Variants in NDST4 observed in about 807,000 individuals in gnomAD.
The protein encoded by NDST4 is N-heparan sulfate sulfotransferase 4.
In NDST4, 63 loss-of-function variants were observed where a neutral mutation model predicts 100.8. The ratio of observed to expected loss-of-function variants is 0.62; its 90% CI spans 0.51 to 0.77. The LOEUF is 0.77. Ranked by LOEUF, NDST4 falls within the 30% of genes least tolerant of loss-of-function variation. The pLI, the probability that NDST4 is intolerant of heterozygous loss-of-function variation, is 0.00. For missense variants in NDST4, 943 were observed against 1,018.4 expected (o/e 0.93, Z 1.01); for synonymous variants, 377 against 361.8 (o/e 1.04, Z -0.48).
chr4:114,940,568 A>G (rs918591058), intron 4 of NDST4, among the ~76,000 whole-genome samples: 1 of 152,138 alleles, frequency 6.6e-6, no homozygotes, highest in African/African-American at 2.4e-5. Context: ...GGCCAGCATG[A>G]GTGCTTCTGG....
chr4:115,040,124 TA>T (rs1454450088), intron 2 of NDST4, among the ~76,000 whole-genome samples: 2 of 151,794 alleles, frequency 1.3e-5, no homozygotes, highest in Non-Finnish European at 2.9e-5. Flanking sequence ...AGATAAAAAC[TA>T]GACTTCTTTG....
At chr4:114,850,874 C>T (rs1723661804) in intron 8 of NDST4, among the ~76,000 whole-genome samples, 1 of 152,120 alleles carries the variant, frequency 6.6e-6, no homozygotes, top group Non-Finnish European at 1.5e-5. Context: ...TTCAAAGGCT[C>T]ACAAGGGACT....
chr4:114,944,962 C>A (rs1295707958), intron 4 of NDST4, among the ~76,000 whole-genome samples: 1 of 151,970 alleles, frequency 6.6e-6, no homozygotes, highest in Non-Finnish European at 1.5e-5. Flanking sequence ...GTAATCCCTG[C>A]ACTTTGGGAG....
At chr4:114,881,412 T>A (rs371185406) in intron 6 of NDST4, among the ~76,000 whole-genome samples, 1 of 152,084 alleles carries the variant, frequency 6.6e-6, no homozygotes, top group Non-Finnish European at 1.5e-5. Context: ...GGTGACTGGA[T>A]AGATACTGGA....
At chr4:114,923,231 A>C (rs1449508821) in intron 6 of NDST4, among the ~76,000 whole-genome samples, 1 of 152,240 alleles carries the variant, frequency 6.6e-6, no homozygotes, top group East Asian at 1.9e-4. Context: ...ATATAAAAAT[A>C]GGAAAATATC....
chr4:114,988,591 G>A (rs1352102535), intron 2 of NDST4, among the ~76,000 whole-genome samples: 1 of 151,652 alleles, frequency 6.6e-6, no homozygotes, highest in Non-Finnish European at 1.5e-5. Flanking sequence ...TCAATCTCCT[G>A]ACCTTGTGAT....
intron 2 of NDST4, among the ~76,000 whole-genome samples, chr4:115,009,692 A>C (rs559063888): frequency 0.04 from 4,827 of 120,430 alleles, 1,085 homozygotes; most frequent in African/African-American, 0.15. Context: ...AATGGGATCT[A>C]ATTAAACTAA....
At chr4:115,100,090 A>T (rs575342212) in intron 1 of NDST4, among the ~76,000 whole-genome samples, 4 of 152,244 alleles carry the variant, frequency 2.6e-5, no homozygotes, top group African/African-American at 9.6e-5. Context: ...AATTCCATTT[A>T]TATGAAATTC....
At chr4:114,913,538 T>A (rs75685798) in intron 6 of NDST4, among the ~76,000 whole-genome samples, 11,595 of 152,082 alleles carry the variant, frequency 0.076, 506 homozygotes, top group Middle Eastern at 0.095. Flanking sequence ...AAATGAACTT[T>A]GTTTTATAGA....
chr4:114,976,391 C>G (rs1437933022), intron 3 of NDST4, among the ~76,000 whole-genome samples: 1 of 151,970 alleles, frequency 6.6e-6, no homozygotes, highest in Non-Finnish European at 1.5e-5. Flanking sequence ...TAGTTTAGTA[C>G]TCTTTTTGTC....
intron 4 of NDST4, among the ~76,000 whole-genome samples, chr4:114,960,426 T>A (rs1191047694): frequency 1.3e-5 from 2 of 151,784 alleles, no homozygotes; most frequent in African/African-American, 4.8e-5. Context: ...GCCAACATGG[T>A]GAAACCCCGT....
rs1476869050 is a variant in NDST4 at position 115,022,407 on chromosome 4, A to G, written c.979-45133T>C. 3.5e-3 allele frequency among the ~76,000 whole-genome samples: 184 copies of G among 52,960 alleles called. 2 individuals carry two copies. Among genetic ancestry groups the G allele is most frequent in the African/African-American group, 0.015 (170 of 11,550 alleles). The allele number at this position is 52,960 out of a possible 152,430, so 34.7% of individuals were successfully genotyped here. ...TGTGTTCCATATATATGTGTTCCAT[A>G]TATATGTGTTCCATATATATGTGTT... is the stretch of plus-strand genomic sequence containing the variant. On this transcript the variant is annotated intron_variant, in intron 2 of 13. Transcript: ENST00000264363.
chr4:114,862,282 G>A (rs1214554099), intron 7 of NDST4, among the ~76,000 whole-genome samples: 2 of 152,124 alleles, frequency 1.3e-5, no homozygotes, highest in African/African-American at 2.4e-5. Flanking sequence ...CCAGAAGCTA[G>A]TTAATGAGTA....
chr4:115,076,971 G>A lies in NDST4; in HGVS notation c.66C>T (p.Cys22=). The A allele has an allele frequency of 6.2e-7, 1 of 1,613,208 alleles. No individual in the cohort carries two copies. Reference sequence around the variant, plus strand: ...AGGCAGAAATGACAATGCTCACCAAGCAAAAGGTAGCTAAGAGAACAATCA... The same window carrying A: ...AGGCAGAAATGACAATGCTCACCAAACAAAAGGTAGCTAAGAGAACAATCA... ...RTLIVLLATF[C]LVSIVISAYF... Residue 22 remains cysteine, a synonymous_variant, in exon 2 of 14, where the codon TGC becomes TGT. Transcript: ENST00000264363.
rs1727455374 is a variant in NDST4 at position 115,007,825 on chromosome 4, G to A, written c.979-30551C>T. Among the ~76,000 whole-genome samples, 2 of 129,560 alleles carry A rather than the reference G, an allele frequency of 1.5e-5. 1 individual carries two copies. Among genetic ancestry groups the A allele is most frequent in the Non-Finnish European group, 3.3e-5 (2 of 60,416 alleles). The allele number at this position is 129,560 out of a possible 152,430, so 85.0% of individuals were successfully genotyped here. A position where few individuals can be genotyped will look rare whatever the true frequency, so the allele number is the denominator to read the frequency against. ...CTTCTCTGAAAGAAATGTAACTGAG[G>A]CAAAGACCATCTGGCACAACTCCTC... On this transcript the variant is annotated intron_variant, in intron 2 of 13. Transcript: ENST00000264363.
At chr4:115,007,451 C>T (rs1727444214) in intron 2 of NDST4, among the ~76,000 whole-genome samples, 1 of 152,126 alleles carries the variant, frequency 6.6e-6, no homozygotes, top group Non-Finnish European at 1.5e-5. Flanking sequence ...TAGACAGCAC[C>T]TTCAAGAGTA....
rs111937516 is a variant in NDST4, at chr4:114,829,759, T to C, written c.2499+31A>G. ...AATAGCTGTTTGCAAATATTTTTGCTAGAGTAATTCAAAGATTAAAAAATT... is the reference window on the plus strand; with the variant it reads ...AATAGCTGTTTGCAAATATTTTTGCCAGAGTAATTCAAAGATTAAAAAATT... On this transcript the variant is annotated intron_variant, in intron 13 of 13. Coordinates refer to ENST00000264363, the MANE Select transcript of NDST4 (RefSeq NM_022569.3). 7.2e-5 allele frequency: 109 copies of C among 1,514,118 alleles called. 1 individual carries two copies. In the African/African-American group the frequency reaches 1.2e-3, roughly 16 times the overall value. The allele number at this position is 1,514,118 out of a possible 1,614,324, so 93.8% of individuals were successfully genotyped here.
intron 4 of NDST4, among the ~76,000 whole-genome samples, chr4:114,947,942 G>A: frequency 6.6e-6 from 1 of 152,018 alleles, no homozygotes; most frequent in South Asian, 2.1e-4. Flanking sequence ...ACAAGTGGAA[G>A]AGGGCTAAAT....
intron 2 of NDST4, among the ~76,000 whole-genome samples, chr4:115,003,099 G>T (rs1468908925): frequency 6.6e-6 from 1 of 152,112 alleles, no homozygotes. Context: ...GACAAAGGGA[G>T]GGAGAGCATT....
Sources: gnomAD v4.1 joint callset for allele counts (sites outside exome capture counted in the v4.1 genomes callset) on GRCh38, gnomAD v4.1.1 for gene constraint, MANE v1.5 for transcripts, NCBI Gene and HGNC (gene_info 2026-07-23, HGNC 2026-07-21) for gene names.